The following GDAP1 variants were observed in gnomAD, a reference collection of about 807,000 sequenced individuals.
GDAP1 encodes the protein ganglioside induced differentiation associated protein 1.
Under a neutral mutation model 40.1 loss-of-function variants are expected in GDAP1, and 34 were observed. That is an observed-to-expected ratio of 0.85 (90% confidence interval 0.64 to 1.13). GDAP1 has a LOEUF of 1.13. Among genes scored for constraint, GDAP1 ranks in the 50% most tolerant of loss-of-function variants. The pLI, the probability that GDAP1 is intolerant of heterozygous loss-of-function variation, is 0.00. For missense variants in GDAP1, 374 were observed against 433.7 expected (o/e 0.86, Z 1.22); for synonymous variants, 170 against 157.4 (o/e 1.08, Z -0.60).
chr8:74,427,481 C>T (rs1805962180), intron 2 of GDAP1, among the ~76,000 whole-genome samples: 1 of 152,108 alleles, frequency 6.6e-6, no homozygotes, highest in Non-Finnish European at 1.5e-5. Context: ...ACATGAGTCT[C>T]AGAAGTATTA....
chr8:74,361,939 T>G lies in GDAP1; in HGVS notation c.540T>G (p.Asp180Glu). The change falls in exon 4 of 6, where the codon GAT (aspartate) becomes GAG (glutamate). Residue 180 changes from aspartate (D) to glutamate (E), a missense_variant. By Grantham distance (45) the Asp-to-Glu change is conservative. Coordinates refer to ENST00000220822, the MANE Select transcript of GDAP1 (RefSeq NM_018972.4). ...AGAAACTTGCTGAAGAAAACCCAGA[T>G]TTACAAGAAGCATACATTGCAAAAC... ...ELKKLAEENP[D>E]LQEAYIAKQK... 6.2e-7 allele frequency: 1 copy of G among 1,609,384 alleles called. No individual in the cohort carries two copies. Among genetic ancestry groups the G allele is most frequent in the Non-Finnish European group, 8.5e-7 (1 of 1,176,102 alleles).
chr8:74,466,385 G>A (rs1414627959), intron 2 of GDAP1, among the ~76,000 whole-genome samples: 1 of 152,154 alleles, frequency 6.6e-6, no homozygotes, highest in African/African-American at 2.4e-5. Context: ...CTTTGGCTTT[G>A]TGGAGAAAAA....
intron 2 of GDAP1, among the ~76,000 whole-genome samples, chr8:74,414,688 G>A (rs1485321346): frequency 6.7e-6 from 1 of 149,212 alleles, no homozygotes; most frequent in African/African-American, 2.6e-5. Flanking sequence ...GGTACTTGTA[G>A]GACAATACCA....
intron 2 of GDAP1, among the ~76,000 whole-genome samples, chr8:74,399,200 G>GGTCAAAGAATGTAAGATAAACA (rs1488002555): frequency 3.5e-4 from 53 of 150,544 alleles, no homozygotes; most frequent in African/African-American, 1.3e-3. Context: ...TGGTTGGTAA[G>GGTCAAAGAATGTAAGATAAACA]CTATTGATTA....
At chr8:74,403,709 T>C (rs1359224555) in intron 2 of GDAP1, among the ~76,000 whole-genome samples, 2 of 150,238 alleles carry the variant, frequency 1.3e-5, no homozygotes, top group Non-Finnish European at 2.9e-5. Context: ...TGTTAGTAAC[T>C]TTTACAGATC....
At chr8:74,379,387 G>T (rs564483441) in intron 2 of GDAP1, among the ~76,000 whole-genome samples, 142 of 152,274 alleles carry the variant, frequency 9.3e-4, no homozygotes, top group Non-Finnish European at 1.7e-3. Flanking sequence ...AGACTTAAAG[G>T]ATACAGGGGT....
Position 74,417,602 on chromosome 8 carries a change from C to G in GDAP1, c.165+66281C>G, listed in dbSNP as rs186033202. ...TGAAACCCCGTCTGTACTAAAAATA[C>G]AAAAATTAGCTGGGTGTGGTGGCAC... On this transcript the variant is annotated intron_variant, in intron 2 of 2. Transcript: ENST00000523640. Among the ~76,000 whole-genome samples, 23 of 149,280 alleles carry G rather than the reference C, an allele frequency of 1.5e-4. 2 individuals carry two copies. The highest frequency in any genetic ancestry group is 8.6e-4 in the Admixed American group (13 of 15,194).
At chr8:74,432,331 A>G (rs1040376350) in intron 2 of GDAP1, among the ~76,000 whole-genome samples, 5 of 152,200 alleles carry the variant, frequency 3.3e-5, no homozygotes, top group African/African-American at 1.2e-4. Flanking sequence ...TTCTAGCACT[A>G]GCAAGTAAAT....
chr8:74,396,883 G>A (rs1810209492), intron 2 of GDAP1, among the ~76,000 whole-genome samples: 1 of 152,206 alleles, frequency 6.6e-6, no homozygotes, highest in Non-Finnish European at 1.5e-5. Flanking sequence ...TAATGGGATG[G>A]CTGGGTCAAA....
rs11554166 is a variant in GDAP1 at position 74,361,906 on chromosome 8, T to G, written c.507T>G (p.Ser169=). The G allele has an allele frequency of 0.3, 485,695 of 1,593,766 alleles. 78,134 individuals carry two copies. The highest frequency in any genetic ancestry group is 0.33 in the Non-Finnish European group (383,720 of 1,161,382). The change falls in exon 4 of 6, where the codon TCT becomes TCG. Residue 169 remains serine, a synonymous_variant. Coordinates refer to ENST00000220822, the MANE Select transcript of GDAP1 (RefSeq NM_018972.4). ...CAGGCCAAATTGGAAACACAGAGTC[T>G]GAGCTGAAGAAACTTGCTGAAGAAA... ...RIRSQIGNTE[S]ELKKLAEENP...
chr8:74,478,192 GC>G (rs1176749278), intron 2 of GDAP1, among the ~76,000 whole-genome samples: 1 of 152,156 alleles, frequency 6.6e-6, no homozygotes, highest in Non-Finnish European at 1.5e-5. Flanking sequence ...TGGCAGTGTG[GC>G]AAGGGGAGAG....
chr8:74,400,603 A>C (rs1332832617), intron 2 of GDAP1, among the ~76,000 whole-genome samples: 1 of 149,974 alleles, frequency 6.7e-6, no homozygotes, highest in Admixed American at 6.6e-5. Context: ...TTGTGATGTT[A>C]GCTGGTTATT....
At chr8:74,484,706 C>CA (rs373512397) in intron 2 of GDAP1, among the ~76,000 whole-genome samples, 24 of 152,216 alleles carry the variant, frequency 1.6e-4, no homozygotes, top group African/African-American at 4.6e-4. Flanking sequence ...AGACAACACA[C>CA]AGAGGAACAT....
Position 74,363,889 on chromosome 8 carries a change from C to T in GDAP1, c.695-96C>T, listed in dbSNP as rs184092919. The T allele has an allele frequency of 5.8e-5, 56 of 967,882 alleles. No homozygotes were observed. In the African/African-American group the frequency reaches 7.7e-4, roughly 13 times the overall value. The allele number at this position is 967,882 out of a possible 1,614,324, so 60.0% of individuals were successfully genotyped here. A position where few individuals can be genotyped will look rare whatever the true frequency, so the allele number is the denominator to read the frequency against. On this transcript the variant is annotated intron_variant, in intron 5 of 5. Coordinates refer to ENST00000220822, the MANE Select transcript of GDAP1 (RefSeq NM_018972.4). ...ATAATGTCCTTCATCTTTTGCTATA[C>T]TCACACTCACCCTTAAGGGTGAGAC...
intron 2 of GDAP1, among the ~76,000 whole-genome samples, chr8:74,387,237 G>A (rs866989448): frequency 1.3e-5 from 2 of 152,210 alleles, no homozygotes; most frequent in Non-Finnish European, 2.9e-5. Context: ...AGTGGTGAGA[G>A]AGGGCATCCT....
At chr8:74,456,151 A>G (rs1806333974) in intron 2 of GDAP1, among the ~76,000 whole-genome samples, 1 of 151,908 alleles carries the variant, frequency 6.6e-6, no homozygotes, top group Admixed American at 6.6e-5. Flanking sequence ...CCTAGTTAGT[A>G]CAATTGCAAT....
downstream of GDAP1, among the ~76,000 whole-genome samples, chr8:74,369,424 C>T (rs1361567323): frequency 6.6e-6 from 1 of 151,898 alleles, no homozygotes; most frequent in African/African-American, 2.4e-5. Context: ...AAATTAAAAC[C>T]ATTAAAAGAA....
At chr8:74,450,950 AC>A (rs1806292750) in intron 2 of GDAP1, among the ~76,000 whole-genome samples, 1 of 81,366 alleles carries the variant, frequency 1.2e-5, no homozygotes, top group East Asian at 3.5e-4. Context: ...AATTTGCATT[AC>A]TTTTTTACTG....
chr8:74,356,024 A>T, intron 2 of GDAP1, among the ~76,000 whole-genome samples: 1 of 152,284 alleles, frequency 6.6e-6, no homozygotes, highest in South Asian at 2.1e-4. Context: ...TCACTGTTAT[A>T]TTAAAAATAG....
Sources: gnomAD v4.1 joint callset for allele counts (sites outside exome capture counted in the v4.1 genomes callset) on GRCh38, gnomAD v4.1.1 for gene constraint, MANE v1.5 for transcripts, NCBI Gene and HGNC (gene_info 2026-07-23, HGNC 2026-07-21) for gene names.